The following RIPOR2 variants were observed in gnomAD, a reference collection of about 807,000 sequenced individuals.
The protein encoded by RIPOR2 is rho family-interacting cell polarization regulator 2.
Under a neutral mutation model 114.5 loss-of-function variants are expected in RIPOR2, and 39 were observed. The observed-to-expected ratio is 0.34, with a 90% confidence interval of 0.26 to 0.44. The LOEUF is 0.44. Among genes scored for constraint, RIPOR2 ranks in the 20% least tolerant of loss-of-function variants. The pLI, the probability that RIPOR2 is intolerant of heterozygous loss-of-function variation, is 1.00. For synonymous variants in RIPOR2, 445 were observed against 484.4 expected (o/e 0.92, Z 1.07); for missense variants, 1,007 against 1,255.1 (o/e 0.80, Z 2.99).
rs1410578272 is a variant in RIPOR2 at position 24,849,863 on chromosome 6, C to T, written c.973G>A (p.Val325Ile). Residue 325 changes from valine to isoleucine, a missense_variant, in exon 11 of 22, where the codon GTA (valine) becomes ATA (isoleucine). Val to Ile is a conservative substitution (Grantham distance 29, BLOSUM62 3). Coordinates refer to ENST00000643898, the MANE Select transcript of RIPOR2 (RefSeq NM_001286445.3). ...AGGTCATTGATGTCGACAGCCACTA[C>T]CTGAGGTCGGGCTGCAAACAGCTCT... The part of the protein sequence containing the change: ...TKELFAARPQ[V>I]VAVDINDLGT... The T allele has an allele frequency of 1.2e-6, 2 of 1,613,790 alleles. No homozygotes were observed. The highest frequency in any genetic ancestry group is 8.5e-7 in the Non-Finnish European group (1 of 1,179,852).
At chr6:24,881,715 A>T (rs1024954747) in intron 1 of RIPOR2, among the ~76,000 whole-genome samples, 4 of 152,220 alleles carry the variant, frequency 2.6e-5, no homozygotes, top group African/African-American at 9.6e-5. Context: ...GAATGCTGTG[A>T]TACAGGTACA....
Position 24,843,139 on chromosome 6 carries a change from G to A in RIPOR2, c.1580C>T (p.Ala527Val), listed in dbSNP as rs765667221. The A allele has an allele frequency of 1.2e-6, 2 of 1,613,960 alleles. No homozygotes were observed. Among genetic ancestry groups the A allele is most frequent in the Middle Eastern group, 1.6e-4 (1 of 6,062 alleles). ...AEALLQESEE[A>V]SELKPVELDT... ...CAGTTCCACAGGCTTGAGCTCAGAG[G>A]CCTCCTCAGACTCTTGCAGAAGTGC... Residue 527 changes from alanine (A) to valine (V), a missense_variant, in exon 13 of 22, where the codon GCC becomes GTC. Transcript: ENST00000643898.
intron 1 of RIPOR2, among the ~76,000 whole-genome samples, chr6:24,914,160 C>T (rs538041970): frequency 3.9e-5 from 6 of 152,082 alleles, no homozygotes; most frequent in East Asian, 1.9e-4. Context: ...AATGGCGAAA[C>T]GCTGTCTCTA....
intron 1 of RIPOR2, among the ~76,000 whole-genome samples, chr6:24,917,278 C>T (rs1472808622): frequency 6.6e-6 from 1 of 152,118 alleles, no homozygotes; most frequent in Non-Finnish European, 1.5e-5. Flanking sequence ...CCTCATGAGT[C>T]TTTAGTTCAC....
chr6:24,919,957 GTGT>G (rs764484669), intron 1 of RIPOR2, among the ~76,000 whole-genome samples: 10 of 152,314 alleles, frequency 6.6e-5, no homozygotes, highest in Admixed American at 3.3e-4. Context: ...AGAGTTATTG[GTGT>G]TGTTACTATG....
At chr6:24,923,342 T>C (rs2114114541) in intron 1 of RIPOR2, among the ~76,000 whole-genome samples, 1 of 152,354 alleles carries the variant, frequency 6.6e-6, no homozygotes, top group Admixed American at 6.5e-5. Flanking sequence ...GATATACAAG[T>C]ATCTTTTCAA....
intron 1 of RIPOR2, among the ~76,000 whole-genome samples, chr6:25,040,645 T>A (rs1204753465): frequency 6.7e-6 from 1 of 148,818 alleles, no homozygotes; most frequent in African/African-American, 2.5e-5. Flanking sequence ...CAGGCTAGAG[T>A]GCAATGGCAC....
At chr6:25,030,752 G>A (rs1391715772) in intron 1 of RIPOR2, among the ~76,000 whole-genome samples, 2 of 152,136 alleles carry the variant, frequency 1.3e-5, no homozygotes, top group Non-Finnish European at 2.9e-5. Context: ...AGGCTGGAGT[G>A]CAATGGCGTG....
rs529907475 is a variant in RIPOR2 at position 25,010,790 on chromosome 6, C to T, written c.76+31061G>A. ...TTTAGTGCTTGCTAGGTCTCTGGTG[C>T]TACAAGGGACACTAGACAGGATGAG... On this transcript the variant is annotated intron_variant, in intron 1 of 13. Transcript: ENST00000510784. 7.9e-5 allele frequency among the ~76,000 whole-genome samples: 12 copies of T among 152,240 alleles called. 1 individual carries two copies. The highest frequency in any genetic ancestry group is 7.8e-4 in the Admixed American group (12 of 15,308).
chr6:24,841,050 G>C (rs1174345224), intron 13 of RIPOR2, among the ~76,000 whole-genome samples: 2 of 152,164 alleles, frequency 1.3e-5, no homozygotes, highest in African/African-American at 4.8e-5. Context: ...TTAGTAGCAG[G>C]ACAATTTTGG....
Position 25,005,738 on chromosome 6 carries a change from T to TATATACACAC in RIPOR2, c.76+36112_76+36113insGTGTGTATAT, listed in dbSNP as rs34572978. ...ATATATATATATATATATATATATATATACATTTACCGATCAAAAGATATG... is the reference window on the plus strand; with the variant it reads ...ATATATATATATATATATATATATATATATACACACATACATTTACCGATCAAAAGATATG... On this transcript the variant is annotated intron_variant, in intron 1 of 13. Transcript: ENST00000510784. 1.5e-3 allele frequency among the ~76,000 whole-genome samples: 104 copies of TATATACACAC among 70,696 alleles called. 3 individuals carry two copies. Among genetic ancestry groups the TATATACACAC allele is most frequent in the South Asian group, 2.5e-3 (5 of 1,990 alleles). The allele number at this position is 70,696 out of a possible 152,430, so 46.4% of individuals were successfully genotyped here. A position where few individuals can be genotyped will look rare whatever the true frequency, so the allele number is the denominator to read the frequency against.
chr6:24,807,453 T>C (rs951296409), intron 21 of RIPOR2, among the ~76,000 whole-genome samples: 9 of 152,110 alleles, frequency 5.9e-5, no homozygotes, highest in Admixed American at 2.0e-4. Context: ...GCCTGGGTGA[T>C]AGAGAGAGAC....
At chr6:24,906,582 T>C (rs1007639396) in intron 1 of RIPOR2, among the ~76,000 whole-genome samples, 3 of 152,108 alleles carry the variant, frequency 2.0e-5, no homozygotes, top group African/African-American at 7.2e-5. Flanking sequence ...TCCAACTCAA[T>C]TGTGCTCCTC....
In RIPOR2 at chr6:24,926,977, C is replaced by T. The variant is rs200893074; in HGVS notation, c.61+8861G>A. ...CATCATCTCACTACCACCACCACCA[C>T]CACCACCACCACAACTACAATCACC... is the stretch of plus-strand genomic sequence containing the variant. On this transcript the variant is annotated intron_variant, in intron 1 of 21. Transcript: ENST00000643898. Among the ~76,000 whole-genome samples the T allele has an allele frequency of 1.9e-3, 214 of 111,556 alleles. 7 individuals are homozygous for T. The highest frequency in any genetic ancestry group is 0.013 in the Middle Eastern group (3 of 240). The allele number at this position is 111,556 out of a possible 152,430, so 73.2% of individuals were successfully genotyped here.
chr6:24,916,840 C>T (rs891579687), intron 1 of RIPOR2, among the ~76,000 whole-genome samples: 2 of 152,132 alleles, frequency 1.3e-5, no homozygotes, highest in Admixed American at 6.6e-5. Context: ...ATGAATGTCC[C>T]GGAGGTTCAG....
chr6:24,998,720 T>A (rs1382251839), intron 1 of RIPOR2, among the ~76,000 whole-genome samples: 1 of 152,142 alleles, frequency 6.6e-6, no homozygotes, highest in Non-Finnish European at 1.5e-5. Flanking sequence ...TATCAAAAAA[T>A]TAGGTGAAGA....
chr6:25,024,598 T>C (rs1325057834), intron 1 of RIPOR2: 7 of 479,504 alleles, frequency 1.5e-5, no homozygotes, highest in Non-Finnish European at 7.7e-6. Context: ...GCAGTCAGAT[T>C]TTTTAACCAT....
At chr6:24,966,134 T>C (rs1356311846) in intron 1 of RIPOR2, among the ~76,000 whole-genome samples, 1 of 152,196 alleles carries the variant, frequency 6.6e-6, no homozygotes, top group Non-Finnish European at 1.5e-5. Flanking sequence ...TCTTTAGCTA[T>C]AGAGAAGGAA....
chr6:24,817,976 C>CTTTT (rs758675486), intron 20 of RIPOR2, among the ~76,000 whole-genome samples: 4 of 84,444 alleles, frequency 4.7e-5, no homozygotes, highest in African/African-American at 8.9e-5. Context: ...CTCTCTCTCT[C>CTTTT]TCTTTTTTTT....
Sources: gnomAD v4.1 joint callset for allele counts (sites outside exome capture counted in the v4.1 genomes callset) on GRCh38, gnomAD v4.1.1 for gene constraint, MANE v1.5 for transcripts, NCBI Gene and HGNC (gene_info 2026-07-23, HGNC 2026-07-21) for gene names.